Variants in NAALADL2 observed in about 807,000 individuals in gnomAD.
NAALADL2 encodes inactive N-acetylated-alpha-linked acidic dipeptidase-like protein 2.
NAALADL2 carries 76 observed loss-of-function variants against 87.2 expected under a neutral mutation model. The ratio of observed to expected loss-of-function variants is 0.87; its 90% CI spans 0.72 to 1.05. The LOEUF is 1.05. Among genes scored for constraint, NAALADL2 ranks in the 50% least tolerant of loss-of-function variants. The pLI is 0.00. For missense variants in NAALADL2, 1,089 were observed against 945.8 expected (o/e 1.15, Z -1.99); for synonymous variants, 354 against 331.0 (o/e 1.07, Z -0.75).
intron 11 of NAALADL2, among the ~76,000 whole-genome samples, chr3:175,697,367 A>G (rs924197234): frequency 1.1e-4 from 17 of 150,978 alleles, no homozygotes; most frequent in Admixed American, 6.6e-4. Flanking sequence ...TTGAACAACT[A>G]CTTATAATGT....
chr3:175,602,503 G>A (rs544011030), intron 10 of NAALADL2, among the ~76,000 whole-genome samples: 1 of 151,762 alleles, frequency 6.6e-6, no homozygotes, highest in African/African-American at 2.4e-5. Flanking sequence ...TAATGTGTGT[G>A]TGTATATGTC....
chr3:175,007,149 A>AT (rs370567288), intron 1 of NAALADL2, among the ~76,000 whole-genome samples: 6,895 of 120,602 alleles, frequency 0.057, 257 homozygotes, highest in Non-Finnish European at 0.083. Flanking sequence ...CTTTTATAGG[A>AT]TAAAAAAAAA....
intron 3 of NAALADL2, among the ~76,000 whole-genome samples, chr3:174,769,259 A>C (rs1025670907): frequency 6.6e-6 from 1 of 152,040 alleles, no homozygotes; most frequent in African/African-American, 2.4e-5. Context: ...TGCTGCTTAC[A>C]GAAAATGCAG....
intron 2 of NAALADL2, among the ~76,000 whole-genome samples, chr3:175,170,539 T>A (rs188842282): frequency 6.7e-6 from 1 of 148,764 alleles, no homozygotes; most frequent in African/African-American, 2.4e-5. Context: ...AGAAGAGAGA[T>A]AAAAGATGTG....
intron 3 of NAALADL2, among the ~76,000 whole-genome samples, chr3:174,787,608 T>TATATATATATATATATATATATAC (rs1716946993): frequency 9.1e-6 from 1 of 109,342 alleles, no homozygotes; most frequent in Non-Finnish European, 2.0e-5. Context: ...TATATATATA[T>TATATATATATATATATATATATAC]ATATATATAT....
chr3:175,210,069 A>G (rs1201589968), intron 2 of NAALADL2, among the ~76,000 whole-genome samples: 1 of 151,812 alleles, frequency 6.6e-6, no homozygotes, highest in Non-Finnish European at 1.5e-5. Context: ...GCATAACAGA[A>G]ATATGATGGA....
Position 175,364,705 on chromosome 3 carries a change from G to T in NAALADL2, c.1090+40380G>T, listed in dbSNP as rs1192455845. Among the ~76,000 whole-genome samples the T allele has an allele frequency of 2.0e-5, 3 of 147,268 alleles. 1 individual carries two copies. Among genetic ancestry groups the T allele is most frequent in the Admixed American group, 1.4e-4 (2 of 14,314 alleles). On this transcript the variant is annotated intron_variant, in intron 5 of 13. Transcript: ENST00000454872. ...TAATCTCCATTTTTGAAGACAAAGA[G>T]ACCCTTTTTTTTGAGTCAAGTATAA... is the stretch of plus-strand genomic sequence containing the variant.
chr3:174,950,229 G>A (rs1027593695), intron 1 of NAALADL2, among the ~76,000 whole-genome samples: 2 of 151,908 alleles, frequency 1.3e-5, no homozygotes, highest in African/African-American at 4.8e-5. Context: ...TTTTACCAAG[G>A]ACTCTACAAA....
intron 1 of NAALADL2, among the ~76,000 whole-genome samples, chr3:174,870,444 A>G (rs1202439545): frequency 6.6e-6 from 1 of 152,136 alleles, no homozygotes; most frequent in African/African-American, 2.4e-5. Flanking sequence ...ATGAGGACCT[A>G]CTTTCATTTG....
chr3:174,938,279 T>C (rs904346606), intron 1 of NAALADL2, among the ~76,000 whole-genome samples: 3 of 152,078 alleles, frequency 2.0e-5, no homozygotes, highest in African/African-American at 7.2e-5. Context: ...ATGTGTTACT[T>C]GGTTTTCTTT....
At chr3:175,443,473 G>A (rs985338953) in intron 5 of NAALADL2, among the ~76,000 whole-genome samples, 11 of 152,150 alleles carry the variant, frequency 7.2e-5, no homozygotes, top group African/African-American at 2.2e-4. Context: ...AGGATAATCA[G>A]CGAATTGATA....
chr3:174,992,060 C>T (rs1746822952), intron 1 of NAALADL2, among the ~76,000 whole-genome samples: 1 of 151,820 alleles, frequency 6.6e-6, no homozygotes, highest in Non-Finnish European at 1.5e-5. Flanking sequence ...GCCATTAGAG[C>T]AATTACTTTT....
chr3:175,556,374 A>G lies in NAALADL2; in HGVS notation c.1654-19667A>G, dbSNP rs147517588. Among the ~76,000 whole-genome samples the G allele has an allele frequency of 6.0e-3, 920 of 152,314 alleles. 6 individuals are homozygous for G. Among genetic ancestry groups the G allele is most frequent in the Non-Finnish European group, 8.3e-3 (567 of 68,020 alleles). On this transcript the variant is annotated intron_variant, in intron 9 of 13. Coordinates refer to ENST00000454872, the MANE Select transcript of NAALADL2 (RefSeq NM_207015.3). ...CAGTTTCCTCATCTGTCAGATGACT[A>G]TAATACCCAAATTACCTCAGAATAC...
rs770409508 is a variant in NAALADL2, at chr3:175,405,392, TA to T, written c.1091-41835del. ...GTAAGCTCATTTTGAGGAGGATATG[TA>T]ACAATAATTTAACTCTTTTGAACAT... On this transcript the variant is annotated intron_variant, in intron 5 of 13. Transcript: ENST00000454872. Among the ~76,000 whole-genome samples the T allele has an allele frequency of 3.9e-5, 6 of 152,138 alleles. 1 individual carries two copies. Among genetic ancestry groups the T allele is most frequent in the Non-Finnish European group, 7.4e-5 (5 of 67,998 alleles).
intron 2 of NAALADL2, among the ~76,000 whole-genome samples, chr3:174,552,969 T>G (rs2108494755): frequency 6.6e-6 from 1 of 152,306 alleles, no homozygotes; most frequent in African/African-American, 2.4e-5. Context: ...TTACACGTTA[T>G]AAACTTTAAG....
chr3:175,027,274 G>A (rs527554280), intron 1 of NAALADL2, among the ~76,000 whole-genome samples: 2 of 152,158 alleles, frequency 1.3e-5, no homozygotes, highest in African/African-American at 4.8e-5. Flanking sequence ...AACTGAAGTT[G>A]CACACCAGTA....
chr3:174,568,808 G>A (rs985688239), intron 2 of NAALADL2, among the ~76,000 whole-genome samples: 29 of 150,818 alleles, frequency 1.9e-4, no homozygotes, highest in Admixed American at 4.0e-4. Context: ...TTTATTCCAC[G>A]TTCATTATTA....
In NAALADL2 at chr3:175,505,963, C is replaced by A. The variant is rs915303138; in HGVS notation, c.1653+34205C>A. 3.3e-5 allele frequency among the ~76,000 whole-genome samples: 5 copies of A among 152,088 alleles called. No individual in the cohort carries two copies. In the South Asian group the frequency reaches 1.0e-3, roughly 32 times the overall value. On this transcript the variant is annotated intron_variant, in intron 9 of 13. Transcript: ENST00000454872. The stretch of plus-strand genomic sequence containing the variant: ...CTGGTGATTGGTATCACTTCAAGAC[C>A]AATCAGAAACATGAACACCCAAGGT...
intron 1 of NAALADL2, among the ~76,000 whole-genome samples, chr3:175,082,281 G>A (rs1183616362): frequency 6.6e-6 from 1 of 152,092 alleles, no homozygotes; most frequent in Non-Finnish European, 1.5e-5. Context: ...AGGGTCTTGT[G>A]GATTCAAGTG....
Sources: gnomAD v4.1 joint callset for allele counts (sites outside exome capture counted in the v4.1 genomes callset) on GRCh38, gnomAD v4.1.1 for gene constraint, MANE v1.5 for transcripts, NCBI Gene and HGNC (gene_info 2026-07-23, HGNC 2026-07-21) for gene names.